The following AKIRIN2 variants were observed in gnomAD, a reference collection of about 807,000 sequenced individuals.
AKIRIN2 encodes akirin-2.
AKIRIN2 carries 6 observed loss-of-function variants against 29.3 expected under a neutral mutation model. The ratio of observed to expected loss-of-function variants is 0.20; its 90% CI spans 0.11 to 0.40. The LOEUF is 0.40. AKIRIN2 is among the 10% of genes least tolerant of loss of function. The pLI, the probability that AKIRIN2 is intolerant of heterozygous loss-of-function variation, is 1.00. For synonymous variants in AKIRIN2, 128 were observed against 117.5 expected, an observed-to-expected ratio of 1.09 and a Z score of -0.58; for missense variants, 210 against 276.1, an observed-to-expected ratio of 0.76 and a Z score of 1.70.
intron 1 of AKIRIN2, chr6:87,700,636 G>A (rs1771445017): frequency 6.6e-6 from 1 of 152,138 alleles, no homozygotes; most frequent in South Asian, 2.1e-4. Context: ...GGAATCTTGG[G>A]TTGATTTCTT....
intron 3 of AKIRIN2, among the ~76,000 whole-genome samples, 194 bp from the exon 4 acceptor site, chr6:87,676,125 C>A (rs1451311385): frequency 6.6e-6 from 1 of 151,900 alleles, no homozygotes; most frequent in Non-Finnish European, 1.5e-5. Context: ...TTAGTCCAAT[C>A]ACATGACCTG....
At chr6:87,686,771 C>T (rs573892539) in intron 1 of AKIRIN2, among the ~76,000 whole-genome samples, 37 of 152,094 alleles carry the variant, frequency 2.4e-4, no homozygotes, top group Non-Finnish European at 4.1e-4. Flanking sequence ...TGTGGCCGGG[C>T]GCGGTAGTTC....
intron 1 of AKIRIN2, among the ~76,000 whole-genome samples, chr6:87,693,376 A>C (rs1771308794): frequency 6.6e-6 from 1 of 152,124 alleles, no homozygotes; most frequent in Non-Finnish European, 1.5e-5. Flanking sequence ...CAAGACTCTA[A>C]AATGCCTCAT....
Position 87,701,649 on chromosome 6 carries a change from A to C in AKIRIN2, c.36T>G (p.Asp12Glu), listed in dbSNP as rs1771468556. ...ACGATLKRTL[D>E]FDPLLSPASP... ...ACGCCGGGCTCAACAGCGGGTCGAA[A>C]TCCAGAGTCCTTTTCAGAGTGGCTC... Residue 12 changes from aspartate to glutamate, a missense_variant, in exon 1 of 5, where the codon GAT (aspartate) becomes GAG (glutamate). Physicochemically the swap from Asp to Glu is conservative, Grantham distance 45. This residue lies in a region of AKIRIN2 where 199 missense variants were observed against 236.5 expected (regional missense o/e 0.84). Coordinates refer to ENST00000257787, the MANE Select transcript of AKIRIN2 (RefSeq NM_018064.4). 6.8e-7 allele frequency: 1 copy of C among 1,469,670 alleles called. No homozygotes were observed. Among genetic ancestry groups the C allele is most frequent in the African/African-American group, 1.5e-5 (1 of 67,314 alleles). The allele number at this position is 1,469,670 out of a possible 1,614,324, so 91.0% of individuals were successfully genotyped here.
At chr6:87,689,441 G>A (rs1272559587) in intron 1 of AKIRIN2, among the ~76,000 whole-genome samples, 2 of 152,180 alleles carry the variant, frequency 1.3e-5, no homozygotes, top group African/African-American at 2.4e-5. Context: ...CAGTGCTACC[G>A]CACTCCAGCC....
chr6:87,693,557 G>A (rs1008415554), intron 1 of AKIRIN2, among the ~76,000 whole-genome samples: 1 of 151,942 alleles, frequency 6.6e-6, no homozygotes, highest in African/African-American at 2.4e-5. Context: ...GTGAAACCCT[G>A]TCTCTACTAA....
At chr6:87,696,370 T>G (rs1299563378) in intron 1 of AKIRIN2, among the ~76,000 whole-genome samples, 1 of 152,102 alleles carries the variant, frequency 6.6e-6, no homozygotes, top group Non-Finnish European at 1.5e-5. Context: ...GCCTATGTGT[T>G]GCTGTGCTCA....
In AKIRIN2 at chr6:87,702,134, G is replaced by C. The variant is rs1304756088; in HGVS notation, c.-450C>G. 1.3e-5 allele frequency: 5 copies of C among 398,876 alleles called. No individual in the cohort carries two copies. Among genetic ancestry groups the C allele is most frequent in the Admixed American group, 4.4e-5 (1 of 22,728 alleles). The allele number at this position is 398,876 out of a possible 1,614,324, so 24.7% of individuals were successfully genotyped here. A position where few individuals can be genotyped will look rare whatever the true frequency, so the allele number is the denominator to read the frequency against. On this transcript the variant is annotated 5_prime_UTR_variant, in exon 1 of 5. Transcript: ENST00000257787. ...CTAATACGCCCGAGTACGGTCAGTAGCTTGCGAGCGGCGATCGATGCAGAG... is the reference window on the plus strand; with the variant it reads ...CTAATACGCCCGAGTACGGTCAGTACCTTGCGAGCGGCGATCGATGCAGAG...
chr6:87,680,765 C>G (rs575153185), intron 2 of AKIRIN2, among the ~76,000 whole-genome samples: 1 of 44,512 alleles, frequency 2.2e-5, no homozygotes, highest in East Asian at 6.2e-4. Flanking sequence ...TATTCCCCGC[C>G]CCCCCCCTTT....
At chr6:87,692,670 G>A (rs934311270) in intron 1 of AKIRIN2, among the ~76,000 whole-genome samples, 2 of 152,134 alleles carry the variant, frequency 1.3e-5, no homozygotes, top group Admixed American at 1.3e-4. Flanking sequence ...AAATTAGCTG[G>A]GTGTGGCGGC....
intron 1 of AKIRIN2, among the ~76,000 whole-genome samples, chr6:87,683,709 A>G (rs1363374704): frequency 6.6e-6 from 1 of 152,130 alleles, no homozygotes; most frequent in Non-Finnish European, 1.5e-5. Context: ...ACTGGAGTGC[A>G]GTGGCGTGAT....
intron 1 of AKIRIN2, among the ~76,000 whole-genome samples, chr6:87,694,742 A>G (rs528632801): frequency 6.6e-6 from 1 of 152,318 alleles, no homozygotes; most frequent in African/African-American, 2.4e-5. Flanking sequence ...AAGACAAACT[A>G]AAAGTATATT....
At chr6:87,677,785 T>TTC in intron 3 of AKIRIN2, 33 bp downstream of exon 3, 1 of 1,599,082 alleles carries the variant, frequency 6.3e-7, no homozygotes, top group Non-Finnish European at 8.5e-7. Flanking sequence ...CACAACTGAG[T>TTC]TCCTCAGAAA....
Position 87,675,454 on chromosome 6 carries a change from G to T in AKIRIN2, c.*143C>A. The T allele has an allele frequency of 2.6e-6, 3 of 1,165,384 alleles. No individual in the cohort carries two copies. The South Asian group carries it at 4.0e-5, about 15-fold the overall frequency. 72.2% of individuals were successfully genotyped at this position (1,165,384 alleles called of 1,614,324 possible). On this transcript the variant is annotated 3_prime_UTR_variant, in exon 5 of 5. Coordinates refer to ENST00000257787, the MANE Select transcript of AKIRIN2 (RefSeq NM_018064.4). The stretch of plus-strand genomic sequence containing the variant: ...GAAATTTCCAAAACCAGTTGCTGCT[G>T]CCTAAGAGTGGTTGCCACTGACGAA...
At position 87,681,664 on chromosome 6, in the gene AKIRIN2, T is replaced by A. The variant is rs1229663924; in HGVS notation, c.335A>T (p.Asp112Val). ...FQQTDPCCTS[D>V]AQPHAFLLSG... ...GAGGAGAAATGCATGTGGCTGTGCA[T>A]CAGAAGTACAACACGGATCTGTCTG... Residue 112 changes from aspartate to valine, a missense_variant, in exon 2 of 5, where the codon GAT becomes GTT. Transcript: ENST00000257787. 1.2e-6 allele frequency: 2 copies of A among 1,613,418 alleles called. No homozygotes were observed. The highest frequency in any genetic ancestry group is 1.7e-6 in the Non-Finnish European group (2 of 1,179,798).
chr6:87,691,935 T>C (rs1443171255), intron 1 of AKIRIN2, among the ~76,000 whole-genome samples: 1 of 152,092 alleles, frequency 6.6e-6, no homozygotes, highest in Non-Finnish European at 1.5e-5. Flanking sequence ...GGAAAATGAG[T>C]ATGTTTTGTT....
intron 1 of AKIRIN2, among the ~76,000 whole-genome samples, chr6:87,689,268 G>A (rs983239777): frequency 1.1e-4 from 16 of 152,176 alleles, no homozygotes; most frequent in African/African-American, 3.9e-4. Context: ...TTGGGAAGCC[G>A]AGGCGGGTGG....
At chr6:87,697,472 A>G (rs13211833) in intron 1 of AKIRIN2, among the ~76,000 whole-genome samples, 4,823 of 152,330 alleles carry the variant, frequency 0.032, 99 homozygotes, top group Middle Eastern at 0.061. Context: ...CAAAGTACAA[A>G]GACCATTAAA....
At position 87,679,675 on chromosome 6, in the gene AKIRIN2, TAG is replaced by T. The variant is rs113146255; in HGVS notation, c.380-1710_380-1709del. 4.1e-3 allele frequency among the ~76,000 whole-genome samples: 629 copies of T among 152,182 alleles called. 8 individuals are homozygous for T. Among genetic ancestry groups the T allele is most frequent in the African/African-American group, 0.014 (599 of 41,488 alleles). ...ATGCTATGCTCAAAACTCTATACCA[TAG>T]AACTACACTGTCATCACACTAAGAA... On this transcript the variant is annotated intron_variant, in intron 2 of 4. Coordinates refer to ENST00000257787, the MANE Select transcript of AKIRIN2 (RefSeq NM_018064.4).
Sources: gnomAD v4.1 joint callset for allele counts (sites outside exome capture counted in the v4.1 genomes callset) on GRCh38, gnomAD v4.1.1 for gene constraint, gnomAD v4.1.1 regional missense constraint, MANE v1.5 for transcripts, NCBI Gene and HGNC (gene_info 2026-07-23, HGNC 2026-07-21) for gene names.